Variants in GPRC5C observed in about 807,000 individuals in gnomAD.
GPRC5C encodes the protein G protein-coupled receptor class C group 5 member C, also known as G protein-coupled receptor family C group 5 member C.
A neutral mutation model predicts 31.4 loss-of-function variants in GPRC5C; 22 were observed. That is an observed-to-expected ratio of 0.70 (90% CI 0.50 to 1.00). The LOEUF is 1.00. GPRC5C is among the 50% of genes least tolerant of loss of function. The pLI is 0.00. For synonymous variants in GPRC5C, 249 were observed against 257.5 expected, an observed-to-expected ratio of 0.97 and a Z score of 0.32; for missense variants, 557 against 597.2, an observed-to-expected ratio of 0.93 and a Z score of 0.70.
intron 1 of GPRC5C, among the ~76,000 whole-genome samples, chr17:74,435,027 A>G (rs1189764514): frequency 1.3e-5 from 2 of 151,638 alleles, no homozygotes; most frequent in East Asian, 2.0e-4. Context: ...AGACCATCCT[A>G]GCTAACACGG....
intron 2 of GPRC5C, 179 bp from the exon 3 acceptor site, chr17:74,443,639 G>T (rs544330846): frequency 1.4e-6 from 1 of 698,590 alleles, no homozygotes; most frequent in Admixed American, 2.1e-5. Context: ...TTGGGAGGGG[G>T]CCCCCGTGTT....
At chr17:74,432,912 C>T (rs1229140617) in intron 1 of GPRC5C, among the ~76,000 whole-genome samples, 2 of 151,958 alleles carry the variant, frequency 1.3e-5, no homozygotes, top group African/African-American at 4.8e-5. Context: ...TCCCTTGCTC[C>T]CCATTCCAGC....
chr17:74,441,456 T>C (rs745486780), intron 2 of GPRC5C, among the ~76,000 whole-genome samples: 1 of 152,218 alleles, frequency 6.6e-6, no homozygotes, highest in South Asian at 2.1e-4. Flanking sequence ...ATAATATCTA[T>C]GTGCCTTTGT....
chr17:74,447,618 CTCTG>C (rs1277395778), downstream of GPRC5C, among the ~76,000 whole-genome samples: 1 of 152,178 alleles, frequency 6.6e-6, no homozygotes, highest in Non-Finnish European at 1.5e-5. Flanking sequence ...TTAGCAGGTC[CTCTG>C]TCTGTATTGT....
At chr17:74,436,564 T>C (rs1403893282) in intron 1 of GPRC5C, among the ~76,000 whole-genome samples, 1 of 152,220 alleles carries the variant, frequency 6.6e-6, no homozygotes, top group African/African-American at 2.4e-5. Context: ...TCTTGATAGA[T>C]TTTAAATGCC....
intron 1 of GPRC5C, among the ~76,000 whole-genome samples, chr17:74,438,635 G>C (rs1330341215): frequency 2.0e-5 from 3 of 152,090 alleles, no homozygotes; most frequent in Non-Finnish European, 4.4e-5. Flanking sequence ...CTGGACTCTA[G>C]CAATCTGTTC....
intron 1 of GPRC5C, 93 bp from the exon 2 acceptor site, chr17:74,439,652 A>AT: frequency 8.2e-7 from 1 of 1,213,674 alleles, no homozygotes; most frequent in Non-Finnish European, 1.2e-6. Flanking sequence ...AGCTAGCACT[A>AT]TCTGCCTGGG....
intron 1 of GPRC5C, among the ~76,000 whole-genome samples, chr17:74,434,924 A>G (rs2055410055): frequency 6.6e-6 from 1 of 151,420 alleles, no homozygotes. Context: ...GCTTCGTCTC[A>G]AGAAAAAAAA....
chr17:74,440,830 G>T lies in GPRC5C; in HGVS notation c.1051+3G>T, dbSNP rs750738312. The T allele has an allele frequency of 6.8e-7, 1 of 1,479,386 alleles. No individual in the cohort carries two copies. Among genetic ancestry groups the T allele is most frequent in the Non-Finnish European group, 9.0e-7 (1 of 1,109,766 alleles). The allele number at this position is 1,479,386 out of a possible 1,614,324, so 91.6% of individuals were successfully genotyped here. On this transcript the variant is annotated splice_donor_region_variant and intron_variant, in intron 2 of 3. Coordinates refer to ENST00000392627, the MANE Select transcript of GPRC5C (RefSeq NM_022036.4). The surrounding 1 kb of genome is among the most constrained non-coding windows in gnomAD (Gnocchi z 4.4). ...TTCCATGGATGAGCCGGTTGCAGGT[G>T]GGTCTCTGTGGATGCCCCCAGTGGC... is the stretch of plus-strand genomic sequence containing the variant.
rs1430633334 is a variant in GPRC5C, at chr17:74,440,331, G to A, written c.555G>A (p.Glu185=). ...TCACCCTGGTTCGGGGCAGTGGCGA[G>A]GGCGGCCCTCAGGGCAACAGCAGCG... is the stretch of plus-strand genomic sequence containing the variant. ...LIITLVRGSG[E]GGPQGNSSAG... The change falls in exon 2 of 4, where the codon GAG becomes GAA. Residue 185 remains glutamate (E), a synonymous_variant. Coordinates refer to ENST00000392627, the MANE Select transcript of GPRC5C (RefSeq NM_022036.4). This position sits in a 1 kb window ranked among gnomAD's most constrained non-coding sequence, Gnocchi z 4.4. The A allele has an allele frequency of 6.2e-7, 1 of 1,614,168 alleles. No homozygotes were observed. The highest frequency in any genetic ancestry group is 8.5e-7 in the Non-Finnish European group (1 of 1,180,026).
At chr17:74,433,825 C>T (rs1247327454) in intron 1 of GPRC5C, 2 of 1,159,842 alleles carry the variant, frequency 1.7e-6, no homozygotes, top group Admixed American at 3.4e-5. Flanking sequence ...ATCCTTGGCC[C>T]TGGTGGGTGG....
intron 1 of GPRC5C, among the ~76,000 whole-genome samples, chr17:74,435,717 C>T (rs995062148): frequency 6.6e-6 from 1 of 152,206 alleles, no homozygotes; most frequent in African/African-American, 2.4e-5. Flanking sequence ...TGAAGCTTTC[C>T]TGACCCTAGC....
chr17:74,435,419 A>G (rs535088127), intron 1 of GPRC5C, among the ~76,000 whole-genome samples: 1 of 152,226 alleles, frequency 6.6e-6, no homozygotes, highest in African/African-American at 2.4e-5. Context: ...TTTCTGGGGG[A>G]ACCAGAGAAA....
chr17:74,434,038 G>T (rs1030384480), intron 1 of GPRC5C, among the ~76,000 whole-genome samples: 1 of 152,186 alleles, frequency 6.6e-6, no homozygotes, highest in Non-Finnish European at 1.5e-5. Flanking sequence ...AGAGAAGGAG[G>T]GAGGAGGGAG....
intron 2 of GPRC5C, chr17:74,443,422 C>T (rs1220158441): frequency 2.8e-6 from 1 of 361,810 alleles, no homozygotes; most frequent in Non-Finnish European, 5.4e-6. Flanking sequence ...CCCGTGGTGA[C>T]AGGCAGAGCT....
intron 2 of GPRC5C, chr17:74,443,128 C>T (rs1487901586): frequency 1.2e-5 from 2 of 166,934 alleles, no homozygotes; most frequent in African/African-American, 4.8e-5. Flanking sequence ...TGCTCCGAGG[C>T]CCCGGGGTGC....
chr17:74,437,135 G>C (rs1463189337), intron 1 of GPRC5C, among the ~76,000 whole-genome samples: 2 of 152,194 alleles, frequency 1.3e-5, no homozygotes, highest in East Asian at 3.9e-4. Context: ...GTAGAGACGT[G>C]GTTTCAGCAT....
intron 1 of GPRC5C, among the ~76,000 whole-genome samples, chr17:74,437,856 G>T (rs897168614): frequency 6.6e-6 from 1 of 152,014 alleles, no homozygotes; most frequent in Non-Finnish European, 1.5e-5. Flanking sequence ...GCCACTAGTG[G>T]TCACTGTCAG....
chr17:74,448,983 G>A (rs1380552732), downstream of GPRC5C: 6 of 1,018,986 alleles, frequency 5.9e-6, no homozygotes, highest in East Asian at 6.0e-5. Flanking sequence ...ACCTTTGGAC[G>A]CTGGCTCAAG....
Sources: allele counts gnomAD v4.1 joint callset (sites outside exome capture counted in the v4.1 genomes callset), GRCh38; gene constraint gnomAD v4.1.1; non-coding constraint Gnocchi (gnomAD v3.1); transcripts MANE v1.5; gene names NCBI Gene and HGNC (gene_info 2026-07-23, HGNC 2026-07-21).